NRXN2: variants seen among roughly 807,000 people sequenced by gnomAD.
NRXN2 encodes the protein neurexin-2-beta.
Under a neutral mutation model 128.8 loss-of-function variants are expected in NRXN2, and 29 were observed. The ratio of observed to expected loss-of-function variants is 0.23; its 90% CI spans 0.17 to 0.31. NRXN2 has a LOEUF of 0.31. Ranked by LOEUF, NRXN2 falls within the 10% of genes least tolerant of loss-of-function variation. NRXN2 has a pLI of 1.00. For synonymous variants in NRXN2, 1,098 were observed against 1,075.2 expected, an observed-to-expected ratio of 1.02 and a Z score of -0.41; for missense variants, 1,881 against 2,452.6, an observed-to-expected ratio of 0.77 and a Z score of 4.92.
At chr11:64,647,801 C>G (rs1222391566) in intron 17 of NRXN2, among the ~76,000 whole-genome samples, 2 of 152,204 alleles carry the variant, frequency 1.3e-5, no homozygotes, top group Admixed American at 6.5e-5. Context: ...AAAGGGGGTG[C>G]AGATTGTTAA....
intron 3 of NRXN2, among the ~76,000 whole-genome samples, chr11:64,695,245 T>C (rs2054340843): frequency 6.6e-6 from 1 of 152,178 alleles, no homozygotes; most frequent in Admixed American, 6.5e-5. Flanking sequence ...CTCCCACTGC[T>C]GGAAAAGAGA....
In NRXN2 at chr11:64,713,864, C is replaced by T. The variant is rs1015979319; in HGVS notation, c.-165G>A. ...CCGCGGGGCGAGGCGCGCAGAGGCC[C>T]AGATGCCGGCTTCCCTCAGGCGGCG... On this transcript the variant is annotated 5_prime_UTR_variant, in exon 2 of 23. Coordinates refer to ENST00000265459, the MANE Select transcript of NRXN2 (RefSeq NM_015080.4). 8.1e-6 allele frequency: 2 copies of T among 247,556 alleles called. No individual in the cohort carries two copies. Among genetic ancestry groups the T allele is most frequent in the Non-Finnish European group, 6.6e-6 (1 of 152,156 alleles). 15.3% of individuals were successfully genotyped at this position (247,556 alleles called of 1,614,324 possible).
At chr11:64,681,480 T>C (rs150168966) in intron 6 of NRXN2, among the ~76,000 whole-genome samples, 4 of 152,228 alleles carry the variant, frequency 2.6e-5, no homozygotes, top group African/African-American at 7.2e-5. Flanking sequence ...GAGGAAGGGA[T>C]CAAGGAAGGC....
chr11:64,680,436 C>T (rs1049005057), intron 6 of NRXN2, among the ~76,000 whole-genome samples: 1 of 152,202 alleles, frequency 6.6e-6, no homozygotes, highest in Non-Finnish European at 1.5e-5. Context: ...GACAGAAGCA[C>T]AGGACAAACC....
chr11:64,685,445 C>A (rs1565404982), intron 6 of NRXN2, among the ~76,000 whole-genome samples: 4 of 152,182 alleles, frequency 2.6e-5, no homozygotes, highest in African/African-American at 9.7e-5. Flanking sequence ...CTCCTCAGCT[C>A]AGCTCCCTGG....
At chr11:64,661,478 G>T (rs1370160428) in intron 9 of NRXN2, 9 of 1,067,980 alleles carry the variant, frequency 8.4e-6, no homozygotes, top group African/African-American at 1.6e-5. Flanking sequence ...GGAAAGGGTT[G>T]GATCATTCAC....
At chr11:64,611,113 G>C (rs978558256) in intron 22 of NRXN2, among the ~76,000 whole-genome samples, 4 of 152,236 alleles carry the variant, frequency 2.6e-5, no homozygotes, top group Non-Finnish European at 5.9e-5. Context: ...CCAGCAGTGG[G>C]CCTGGCACAG....
Position 64,629,677 on chromosome 11 carries a change from C to T in NRXN2, c.3757+725G>A, listed in dbSNP as rs536980080. ...ACTTGGTCTGTCTGCATTCTCAAGG[C>T]TCCCTGCAAGCAGGGACTGAGTGCC... On this transcript the variant is annotated intron_variant, in intron 19 of 22. Transcript: ENST00000265459. 3.3e-5 allele frequency among the ~76,000 whole-genome samples: 5 copies of T among 152,300 alleles called. No homozygotes were observed. The South Asian group carries it at 1.0e-3, about 32-fold the overall frequency.
chr11:64,711,103 C>T (rs571848591), intron 2 of NRXN2, among the ~76,000 whole-genome samples: 1 of 152,352 alleles, frequency 6.6e-6, no homozygotes, highest in South Asian at 2.1e-4. Flanking sequence ...CTCCCAAGTG[C>T]AGACTTCCCA....
At chr11:64,665,766 G>A (rs2049763414) in intron 9 of NRXN2, among the ~76,000 whole-genome samples, 1 of 152,192 alleles carries the variant, frequency 6.6e-6, no homozygotes, top group Non-Finnish European at 1.5e-5. Flanking sequence ...AGCTGACGTT[G>A]ATAAGTGCTT....
At chr11:64,687,504 G>C (rs1592120549) in intron 5 of NRXN2, among the ~76,000 whole-genome samples, 1 of 152,334 alleles carries the variant, frequency 6.6e-6, no homozygotes, top group East Asian at 1.9e-4. Context: ...TGAGGCCACA[G>C]GGCAGCAAGG....
intron 11 of NRXN2, 135 bp from the exon 12 acceptor site, chr11:64,653,857 G>A (rs1285927817): frequency 1.5e-5 from 10 of 656,258 alleles, no homozygotes; most frequent in Admixed American, 7.5e-5. Flanking sequence ...CGGGGACCAC[G>A]CGTGCCCAGG....
Position 64,649,000 on chromosome 11 carries a change from G to T in NRXN2, c.3110-93C>A, listed in dbSNP as rs1046880113. ...CTGTCAGGTCCTCCCAGCCTTCTCA[G>T]GTTCTCTGCGTTCCATCCCAGATTC... On this transcript the variant is annotated intron_variant, in intron 15 of 22. Coordinates refer to ENST00000265459, the MANE Select transcript of NRXN2 (RefSeq NM_015080.4). This position sits in a 1 kb window ranked among gnomAD's most constrained non-coding sequence, Gnocchi z 4.1. 5.3e-6 allele frequency: 7 copies of T among 1,331,082 alleles called. No individual in the cohort carries two copies. In the South Asian group the frequency reaches 8.3e-5, roughly 16 times the overall value. 82.5% of individuals were successfully genotyped at this position (1,331,082 alleles called of 1,614,324 possible).
chr11:64,652,606 C>A (rs1157380512), intron 12 of NRXN2, among the ~76,000 whole-genome samples: 3 of 152,140 alleles, frequency 2.0e-5, no homozygotes, highest in Non-Finnish European at 4.4e-5. Flanking sequence ...CTAAAACTTT[C>A]AAAACTTCAC....
intron 22 of NRXN2, among the ~76,000 whole-genome samples, chr11:64,610,739 C>G (rs73492140): frequency 0.062 from 9,447 of 152,152 alleles, 999 homozygotes; most frequent in African/African-American, 0.22. Context: ...AAGCCAGCAC[C>G]CTGGTCTCCA....
intron 5 of NRXN2, among the ~76,000 whole-genome samples, chr11:64,687,487 G>A (rs1456219963): frequency 3.9e-5 from 6 of 152,214 alleles, no homozygotes; most frequent in African/African-American, 4.8e-5. Flanking sequence ...GGCAAGGCCC[G>A]GTTTCCTGAG....
chr11:64,701,933 G>GC (rs1285622404), intron 2 of NRXN2, among the ~76,000 whole-genome samples: 24 of 139,474 alleles, frequency 1.7e-4, no homozygotes, highest in Admixed American at 1.7e-3. Flanking sequence ...CCGGCCAGCC[G>GC]CCCCGTCCAG....
intron 2 of NRXN2, among the ~76,000 whole-genome samples, chr11:64,701,096 T>C (rs2055286185): frequency 2.0e-5 from 3 of 152,182 alleles, no homozygotes. Context: ...GTCCCTCTCC[T>C]TGGAACATTA....
chr11:64,716,596 A>G (rs1343298389), intron 1 of NRXN2, among the ~76,000 whole-genome samples: 1 of 152,118 alleles, frequency 6.6e-6, no homozygotes, highest in African/African-American at 2.4e-5. Flanking sequence ...GAGCCGGTTC[A>G]GGGGCAGAGG....
Sources: gnomAD v4.1 joint callset for allele counts (sites outside exome capture counted in the v4.1 genomes callset) on GRCh38, gnomAD v4.1.1 for gene constraint, Gnocchi (gnomAD v3.1) non-coding constraint, MANE v1.5 for transcripts, NCBI Gene and HGNC (gene_info 2026-07-23, HGNC 2026-07-21) for gene names.